Variants in TPRG1 observed in about 807,000 individuals in gnomAD.
The protein encoded by TPRG1 is tumor protein p63 regulated 1, also known as tumor protein p63-regulated gene 1 protein.
In TPRG1, 29 loss-of-function variants were observed where a neutral mutation model predicts 29.3. That is an observed-to-expected ratio of 0.99 (90% CI 0.74 to 1.35). The LOEUF (loss-of-function observed/expected upper bound fraction) is 1.35, where lower values mean the gene tolerates loss of function less well. Among genes scored for constraint, TPRG1 ranks in the 40% most tolerant of loss-of-function variants. The pLI, the probability that TPRG1 is intolerant of heterozygous loss-of-function variation, is 0.00. For synonymous variants in TPRG1, 130 were observed against 116.8 expected (o/e 1.11, Z -0.73); for missense variants, 327 against 335.0 (o/e 0.98, Z 0.19).
intron 4 of TPRG1, among the ~76,000 whole-genome samples, chr3:189,290,237 T>C (rs1718772563): frequency 6.6e-6 from 1 of 152,214 alleles, no homozygotes; most frequent in Admixed American, 6.5e-5. Context: ...ATCATGACCT[T>C]GCCAAATCAG....
chr3:189,284,788 T>A (rs997119737), intron 4 of TPRG1, among the ~76,000 whole-genome samples: 2 of 152,102 alleles, frequency 1.3e-5, no homozygotes, highest in African/African-American at 4.8e-5. Context: ...AAAAATTAAT[T>A]CAAGATGGAT....
chr3:189,128,858 C>T (rs564215610), intron 2 of TPRG1, among the ~76,000 whole-genome samples: 56 of 152,312 alleles, frequency 3.7e-4, no homozygotes, highest in Middle Eastern at 6.8e-3. Flanking sequence ...CAACTTCCAC[C>T]TCCCGGGTTC....
upstream of TPRG1, among the ~76,000 whole-genome samples, chr3:189,170,162 C>G (rs1728644185): frequency 6.6e-6 from 1 of 152,168 alleles, no homozygotes. Context: ...CTTTTGTGCC[C>G]CCACCCTGAG....
intron 4 of TPRG1, among the ~76,000 whole-genome samples, chr3:189,048,450 T>C (rs9840231): frequency 0.098 from 14,893 of 152,214 alleles, 1,100 homozygotes; most frequent in African/African-American, 0.21. Flanking sequence ...GAAAGGTAAA[T>C]GGGTATTGAC....
intron 4 of TPRG1, among the ~76,000 whole-genome samples, chr3:189,081,760 C>T (rs1717608553): frequency 6.6e-6 from 1 of 152,122 alleles, no homozygotes; most frequent in Non-Finnish European, 1.5e-5. Flanking sequence ...TGATTTCTTT[C>T]CTTGTTAAAA....
At chr3:189,139,194 G>A (rs931627089) in intron 3 of TPRG1, among the ~76,000 whole-genome samples, 5 of 152,346 alleles carry the variant, frequency 3.3e-5, no homozygotes, top group African/African-American at 4.8e-5. Flanking sequence ...GTGGAAAAAT[G>A]TATGCTCAGA....
chr3:189,056,634 A>G (rs552023427), intron 4 of TPRG1, among the ~76,000 whole-genome samples: 1 of 152,292 alleles, frequency 6.6e-6, no homozygotes, highest in Admixed American at 6.5e-5. Flanking sequence ...AAGTTCCTTG[A>G]GGTCAAGAAT....
intron 4 of TPRG1, among the ~76,000 whole-genome samples, chr3:189,032,519 G>A (rs1188175420): frequency 6.6e-6 from 1 of 152,058 alleles, no homozygotes; most frequent in Non-Finnish European, 1.5e-5. Flanking sequence ...CAAGTGGCAG[G>A]TGGTCCTGGG....
intron 2 of TPRG1, among the ~76,000 whole-genome samples, chr3:189,128,958 C>T (rs1722801964): frequency 6.6e-6 from 1 of 152,058 alleles, no homozygotes; most frequent in South Asian, 2.1e-4. Context: ...TTTTAAACTT[C>T]TTATTTTGAG....
At chr3:189,293,205 G>A (rs1300218494) in intron 4 of TPRG1, among the ~76,000 whole-genome samples, 2 of 152,144 alleles carry the variant, frequency 1.3e-5, no homozygotes, top group Non-Finnish European at 2.9e-5. Context: ...GAGATGATGT[G>A]GAGGCTCCTC....
At chr3:189,304,556 C>T (rs757410048) in intron 4 of TPRG1, among the ~76,000 whole-genome samples, 2 of 152,136 alleles carry the variant, frequency 1.3e-5, no homozygotes, top group African/African-American at 2.4e-5. Context: ...CAGCACCTGC[C>T]GATGGGTTTG....
intron 3 of TPRG1, among the ~76,000 whole-genome samples, chr3:189,020,273 G>C (rs1713223183): frequency 6.6e-6 from 1 of 150,862 alleles, no homozygotes; most frequent in Non-Finnish European, 1.5e-5. Flanking sequence ...CCTTCTGCTA[G>C]CTTTTGAATG....
chr3:189,298,516 G>C (rs1286207730), intron 4 of TPRG1, among the ~76,000 whole-genome samples: 1 of 152,168 alleles, frequency 6.6e-6, no homozygotes, highest in Non-Finnish European at 1.5e-5. Context: ...ACTCAGATCT[G>C]CATCCTCTGA....
chr3:189,316,240 C>T (rs973110484), intron 5 of TPRG1, among the ~76,000 whole-genome samples: 2 of 152,170 alleles, frequency 1.3e-5, no homozygotes, highest in African/African-American at 4.8e-5. Context: ...TCTTATTTGT[C>T]TCTATGCACT....
At chr3:189,263,423 A>T (rs1314647879) in intron 4 of TPRG1, among the ~76,000 whole-genome samples, 1 of 152,182 alleles carries the variant, frequency 6.6e-6, no homozygotes, top group Non-Finnish European at 1.5e-5. Context: ...GATCCCAAGA[A>T]CCTGAAGGAC....
intron 1 of TPRG1, among the ~76,000 whole-genome samples, chr3:189,119,739 T>C (rs926888297): frequency 6.6e-6 from 1 of 152,204 alleles, no homozygotes; most frequent in African/African-American, 2.4e-5. Context: ...TTGCTTCCCC[T>C]TCTGCCATGG....
At chr3:189,085,447 A>ATGTGTGTGTGTG (rs55935182) in intron 4 of TPRG1, among the ~76,000 whole-genome samples, 8 of 121,932 alleles carry the variant, frequency 6.6e-5, no homozygotes, top group African/African-American at 3.0e-4. Flanking sequence ...GTGTGTGTGC[A>ATGTGTGTGTGTG]TGTGTGTGTG....
At chr3:189,212,395 G>C (rs770031161) in intron 2 of TPRG1, among the ~76,000 whole-genome samples, 2 of 152,000 alleles carry the variant, frequency 1.3e-5, no homozygotes, top group Non-Finnish European at 2.9e-5. Flanking sequence ...CTCTTCTCTT[G>C]CTATAGGGTT....
At chr3:189,006,497 C>T (rs939127631) in intron 3 of TPRG1, among the ~76,000 whole-genome samples, 1 of 152,082 alleles carries the variant, frequency 6.6e-6, no homozygotes, top group Non-Finnish European at 1.5e-5. Flanking sequence ...GGGGAGCAGC[C>T]ATGGCTTCTG....
Sources: allele counts gnomAD v4.1 joint callset (sites outside exome capture counted in the v4.1 genomes callset), GRCh38; gene constraint gnomAD v4.1.1; transcripts MANE v1.5; gene names NCBI Gene and HGNC (gene_info 2026-07-23, HGNC 2026-07-21).